Variants in PTPRN2 observed in about 807,000 individuals in gnomAD.
PTPRN2 encodes protein tyrosine phosphatase receptor type N2, also known as receptor-type tyrosine-protein phosphatase N2.
In PTPRN2, 74 loss-of-function variants were observed where a neutral mutation model predicts 118.8. That is an observed-to-expected ratio of 0.62 (90% CI 0.52 to 0.76). PTPRN2 has a LOEUF of 0.76. PTPRN2 is among the 30% of genes least tolerant of loss of function. The pLI is 0.00. For synonymous variants in PTPRN2, 641 were observed against 608.0 expected (o/e 1.05, Z -0.80); for missense variants, 1,481 against 1,394.4 (o/e 1.06, Z -0.99).
rs183312255 is a variant in PTPRN2, at chr7:158,263,313, G to A, written c.277+53506C>T. 5.9e-3 allele frequency among the ~76,000 whole-genome samples: 896 copies of A among 152,194 alleles called. 11 individuals are homozygous for A. Among genetic ancestry groups the A allele is most frequent in the African/African-American group, 0.021 (853 of 41,512 alleles). On this transcript the variant is annotated intron_variant, in intron 3 of 22. Transcript: ENST00000389418. The stretch of plus-strand genomic sequence containing the variant: ...TCACATGTGCACACCGTGTGTGGGT[G>A]TACACACAGCTGTACCTACTGCACA...
At chr7:157,602,775 C>T (rs1452377818) in intron 16 of PTPRN2, among the ~76,000 whole-genome samples, 3 of 152,092 alleles carry the variant, frequency 2.0e-5, no homozygotes, top group Non-Finnish European at 2.9e-5. Flanking sequence ...GAGCACTGTC[C>T]GCCATCAGTG....
intron 11 of PTPRN2, among the ~76,000 whole-genome samples, chr7:157,943,559 A>C (rs914076269): frequency 6.6e-5 from 10 of 150,720 alleles, no homozygotes; most frequent in African/African-American, 2.4e-4. Context: ...CAAGACACCC[A>C]CCCCAGATGC....
At chr7:157,602,185 C>A (rs1255549730) in intron 16 of PTPRN2, among the ~76,000 whole-genome samples, 1 of 152,250 alleles carries the variant, frequency 6.6e-6, no homozygotes. Flanking sequence ...TAAACAGAAA[C>A]CTGGGTTCAG....
intron 3 of PTPRN2, among the ~76,000 whole-genome samples, chr7:158,263,676 G>T (rs1189787513): frequency 6.6e-6 from 1 of 152,228 alleles, no homozygotes; most frequent in Non-Finnish European, 1.5e-5. Context: ...GTGGCCTGCT[G>T]GCTAAGGGGA....
chr7:157,835,099 G>C lies in PTPRN2; in HGVS notation c.1788+63574C>G, dbSNP rs955731088. On this transcript the variant is annotated intron_variant, in intron 12 of 22. Coordinates refer to ENST00000389418, the MANE Select transcript of PTPRN2 (RefSeq NM_002847.5). ...GAGGGAAGATAAAAGCCAGCAACCAGGGACAGCTGAAAATATGGTTTCAGT... is the reference window on the plus strand; with the variant it reads ...GAGGGAAGATAAAAGCCAGCAACCACGGACAGCTGAAAATATGGTTTCAGT... Among the ~76,000 whole-genome samples, 2 of 152,124 alleles carry C rather than the reference G, an allele frequency of 1.3e-5. 1 individual carries two copies. The highest frequency in any genetic ancestry group is 3.9e-4 in the East Asian group (2 of 5,178).
intron 2 of PTPRN2, among the ~76,000 whole-genome samples, chr7:158,456,130 C>T (rs1818471081): frequency 6.6e-6 from 1 of 151,230 alleles, no homozygotes; most frequent in Non-Finnish European, 1.5e-5. Context: ...ACCCATCACT[C>T]TTCAGAGAAG....
chr7:158,230,085 A>G (rs1829067515), intron 3 of PTPRN2, among the ~76,000 whole-genome samples: 1 of 152,168 alleles, frequency 6.6e-6, no homozygotes, highest in African/African-American at 2.4e-5. Flanking sequence ...AGAGAGTAGG[A>G]TGACATTTGC....
At chr7:158,064,959 A>G (rs1049274491) in intron 11 of PTPRN2, among the ~76,000 whole-genome samples, 11 of 152,244 alleles carry the variant, frequency 7.2e-5, no homozygotes, top group African/African-American at 2.7e-4. Context: ...CAGCGCAGGC[A>G]TAAACACTCA....
intron 1 of PTPRN2, among the ~76,000 whole-genome samples, chr7:158,548,566 A>G (rs1826442202): frequency 6.6e-6 from 1 of 152,184 alleles, no homozygotes; most frequent in Non-Finnish European, 1.5e-5. Flanking sequence ...CTGCAAGCAC[A>G]TTTCTTCATG....
At chr7:158,187,968 A>G (rs73746415) in intron 5 of PTPRN2, among the ~76,000 whole-genome samples, 5,744 of 152,158 alleles carry the variant, frequency 0.038, 380 homozygotes, top group African/African-American at 0.13. Flanking sequence ...CCCCTCTCCC[A>G]TTCCTCTTTC....
At chr7:158,471,518 T>A (rs2129444245) in intron 2 of PTPRN2, among the ~76,000 whole-genome samples, 1 of 152,190 alleles carries the variant, frequency 6.6e-6, no homozygotes, top group South Asian at 2.1e-4. Context: ...TGAAACCCTG[T>A]CTCTACTAAA....
At chr7:157,708,193 G>A (rs1052207192) in intron 12 of PTPRN2, among the ~76,000 whole-genome samples, 3 of 152,172 alleles carry the variant, frequency 2.0e-5, no homozygotes, top group East Asian at 3.9e-4. Context: ...ATTCTGCCCC[G>A]TGCCGTGTGC....
chr7:158,250,367 AGCATAAT>A (rs1796577798), intron 3 of PTPRN2, among the ~76,000 whole-genome samples: 1 of 152,208 alleles, frequency 6.6e-6, no homozygotes, highest in Non-Finnish European at 1.5e-5. Flanking sequence ...ATACATTTAT[AGCATAAT>A]GCATGCCTAT....
chr7:158,326,976 T>C (rs12698213), intron 2 of PTPRN2, among the ~76,000 whole-genome samples: 139,779 of 150,544 alleles, frequency 0.93, 65,024 homozygotes, highest in Non-Finnish European at 0.96. Flanking sequence ...CACATTCACA[T>C]GCACATACAC....
intron 3 of PTPRN2, among the ~76,000 whole-genome samples, chr7:158,263,139 A>G (rs865781546): frequency 3.1e-4 from 46 of 147,122 alleles, no homozygotes; most frequent in Non-Finnish European, 5.0e-4. Context: ...ATATACACAC[A>G]TTCACACACT....
intron 5 of PTPRN2, among the ~76,000 whole-genome samples, chr7:158,185,932 TGC>T: frequency 6.6e-6 from 1 of 152,160 alleles, no homozygotes; most frequent in South Asian, 2.1e-4. Context: ...TTTTCCACCA[TGC>T]TCCCTTGTCC....
intron 11 of PTPRN2, among the ~76,000 whole-genome samples, chr7:158,041,183 CT>C (rs1362881898): frequency 6.6e-6 from 1 of 152,194 alleles, no homozygotes; most frequent in Non-Finnish European, 1.5e-5. Context: ...CTGGAGAATC[CT>C]GCTTGGCATG....
chr7:158,370,974 G>C (rs1480198336), intron 2 of PTPRN2, among the ~76,000 whole-genome samples: 1 of 152,094 alleles, frequency 6.6e-6, no homozygotes, highest in Non-Finnish European at 1.5e-5. Flanking sequence ...CTATCACAAT[G>C]AAAGAGTTTT....
intron 2 of PTPRN2, among the ~76,000 whole-genome samples, chr7:158,331,249 A>G (rs1487040751): frequency 1.3e-5 from 2 of 149,520 alleles, no homozygotes; most frequent in East Asian, 3.9e-4. Context: ...CGTCACTCAC[A>G]CCCACACTCT....
Sources: allele counts gnomAD v4.1 joint callset (sites outside exome capture counted in the v4.1 genomes callset), GRCh38; gene constraint gnomAD v4.1.1; transcripts MANE v1.5; gene names NCBI Gene and HGNC (gene_info 2026-07-23, HGNC 2026-07-21).